Variants in SSU72 observed in about 807,000 individuals in gnomAD.
SSU72 encodes the protein RNA polymerase II subunit A C-terminal domain phosphatase SSU72.
SSU72 carries 12 observed loss-of-function variants against 22.7 expected under a neutral mutation model. The ratio of observed to expected loss-of-function variants is 0.53; its 90% CI spans 0.34 to 0.86. The LOEUF (loss-of-function observed/expected upper bound fraction) is 0.86, where lower values mean the gene tolerates loss of function less well. SSU72 is among the 40% of genes least tolerant of loss of function. The pLI, the probability that SSU72 is intolerant of heterozygous loss-of-function variation, is 0.02. For synonymous variants in SSU72, 116 were observed against 98.3 expected, an observed-to-expected ratio of 1.18 and a Z score of -1.06; for missense variants, 151 against 249.8, an observed-to-expected ratio of 0.60 and a Z score of 2.67.
chr1:1,571,724 A>T (rs1277834366), intron 1 of SSU72, among the ~76,000 whole-genome samples: 1 of 152,196 alleles, frequency 6.6e-6, no homozygotes, highest in Non-Finnish European at 1.5e-5. Flanking sequence ...TCATCGTCTC[A>T]GCGAGGTTAT....
At chr1:1,544,746 G>T in intron 3 of SSU72, 117 bp downstream of exon 3, 2 of 1,478,246 alleles carry the variant, frequency 1.4e-6, no homozygotes, top group Non-Finnish European at 9.4e-7. Context: ...ACTCAGGTCT[G>T]CTCCCCGGCC....
At chr1:1,564,563 C>T (rs772795514) in intron 2 of SSU72, 116 of 1,579,792 alleles carry the variant, frequency 7.3e-5, no homozygotes, top group Middle Eastern at 2.0e-4. Flanking sequence ...CGTGTCTGTG[C>T]GCCTCACCAC....
In SSU72 at chr1:1,554,850, C is replaced by T. The variant is rs185629340; in HGVS notation, c.225-9848G>A. ...TTCCCTGCTGCCGGCGCCAGCCCCA[C>T]GTACCCCCGACCACCTCAGCTCCTG... On this transcript the variant is annotated intron_variant, in intron 2 of 4. Transcript: ENST00000291386. The surrounding 1 kb of genome is among the most constrained non-coding windows in gnomAD (Gnocchi z 4.1). Among the ~76,000 whole-genome samples the T allele has an allele frequency of 5.5e-3, 840 of 152,302 alleles. 5 individuals are homozygous for T. The highest frequency in any genetic ancestry group is 5.7e-3 in the Non-Finnish European group (391 of 68,030).
intron 4 of SSU72, 142 bp downstream of exon 4, chr1:1,543,727 T>C (rs1397950424): frequency 1.2e-5 from 5 of 406,254 alleles, no homozygotes; most frequent in Non-Finnish European, 2.0e-5. Context: ...GCCACTCCCC[T>C]GTCACGGCCT....
intron 4 of SSU72, among the ~76,000 whole-genome samples, chr1:1,543,132 C>T (rs1272651658): frequency 1.3e-5 from 2 of 152,262 alleles, no homozygotes; most frequent in African/African-American, 4.8e-5. Context: ...CCAGCACCTC[C>T]ACGCCGCAGC....
chr1:1,574,264 G>C (rs1386129028), intron 1 of SSU72, among the ~76,000 whole-genome samples: 2 of 152,012 alleles, frequency 1.3e-5, no homozygotes, highest in Admixed American at 6.6e-5. Flanking sequence ...CCGGACAGCG[G>C]GCGCCTCGTC....
At chr1:1,574,431 C>A in intron 1 of SSU72, 47 bp downstream of exon 1, 1 of 1,548,026 alleles carries the variant, frequency 6.5e-7, no homozygotes, top group African/African-American at 1.4e-5. Context: ...GGAGGGAGGG[C>A]CGGTCGCCGG....
chr1:1,543,163 G>C lies in SSU72; in HGVS notation c.483+706C>G, dbSNP rs1642345877. Among the ~76,000 whole-genome samples, 5 of 152,228 alleles carry C rather than the reference G, an allele frequency of 3.3e-5. No individual in the cohort carries two copies. In the South Asian group the frequency reaches 1.0e-3, roughly 32 times the overall value. On this transcript the variant is annotated intron_variant, in intron 4 of 4. Coordinates refer to ENST00000291386, the MANE Select transcript of SSU72 (RefSeq NM_014188.3). ...GCAGCAGGGTGGCTACAGAAGCCTTGGGGTGCCCCGGCCCCTCTGTGCAAG... is the reference window on the plus strand; with the variant it reads ...GCAGCAGGGTGGCTACAGAAGCCTTCGGGTGCCCCGGCCCCTCTGTGCAAG...
At chr1:1,552,187 C>G (rs1427838405) in intron 2 of SSU72, among the ~76,000 whole-genome samples, 1 of 152,196 alleles carries the variant, frequency 6.6e-6, no homozygotes, top group African/African-American at 2.4e-5. Flanking sequence ...CCGCGAAGCC[C>G]TCTGCTTGCT....
At chr1:1,551,455 A>G (rs1642454581) in intron 2 of SSU72, among the ~76,000 whole-genome samples, 2 of 152,166 alleles carry the variant, frequency 1.3e-5, no homozygotes, top group South Asian at 4.1e-4. Context: ...GTTGGGCTAC[A>G]ATCAGCAAAA....
At chr1:1,547,878 G>A (rs1173846948) in intron 2 of SSU72, among the ~76,000 whole-genome samples, 7 of 152,196 alleles carry the variant, frequency 4.6e-5, no homozygotes, top group Admixed American at 2.6e-4. Flanking sequence ...CCCATCTTCC[G>A]GACACCTGCG....
In SSU72 at chr1:1,548,974, A is replaced by G. The variant is rs555293731; in HGVS notation, c.225-3972T>C. Among the ~76,000 whole-genome samples the G allele has an allele frequency of 2.0e-5, 3 of 152,322 alleles. No homozygotes were observed. In the South Asian group the frequency reaches 6.2e-4, roughly 32 times the overall value. On this transcript the variant is annotated intron_variant, in intron 2 of 4. Transcript: ENST00000291386. ...GCCTCCTGAGTCTGGGGATGGGAGA[A>G]TAAGGCTTGTGCTGGAGGCCTTGGG...
chr1:1,548,910 A>G (rs912338281), intron 2 of SSU72, among the ~76,000 whole-genome samples: 1 of 152,198 alleles, frequency 6.6e-6, no homozygotes, highest in Admixed American at 6.5e-5. Flanking sequence ...CCCGTCCCAC[A>G]GTGACGTCTG....
intron 2 of SSU72, chr1:1,545,514 G>C (rs554271790): frequency 6.5e-6 from 1 of 154,440 alleles, no homozygotes; most frequent in Non-Finnish European, 1.4e-5. Flanking sequence ...AAAACCCAAA[G>C]AAAGGAAGCT....
At chr1:1,558,387 A>C (rs1312127542) in intron 2 of SSU72, among the ~76,000 whole-genome samples, 1 of 151,938 alleles carries the variant, frequency 6.6e-6, no homozygotes, top group African/African-American at 2.4e-5. Context: ...TAATAATAAT[A>C]ATCCAAACCC....
intron 1 of SSU72, among the ~76,000 whole-genome samples, chr1:1,573,751 G>A (rs1017078365): frequency 5.3e-5 from 8 of 152,270 alleles, no homozygotes; most frequent in Non-Finnish European, 8.8e-5. Flanking sequence ...AACTTTGGAG[G>A]TAAAAAAGCC....
intron 2 of SSU72, among the ~76,000 whole-genome samples, chr1:1,559,869 C>A (rs1417948506): frequency 6.6e-6 from 1 of 152,152 alleles, no homozygotes; most frequent in Non-Finnish European, 1.5e-5. Context: ...TAGGATCAGG[C>A]ATGCACCACG....
Position 1,541,803 on chromosome 1 carries a change from T to G in SSU72, c.*263A>C, listed in dbSNP as rs1051341529. On this transcript the variant is annotated 3_prime_UTR_variant, in exon 5 of 5. Transcript: ENST00000291386. ...ACGAAGACACAGGTATGTCGGGAAG[T>G]GCACACAAACCGTTGTCTTTCCTTT... 3 of 460,706 alleles carry G rather than the reference T, an allele frequency of 6.5e-6. No homozygotes were observed. The highest frequency in any genetic ancestry group is 1.2e-5 in the Non-Finnish European group (3 of 250,708). 28.5% of individuals were successfully genotyped at this position (460,706 alleles called of 1,614,324 possible). A position where few individuals can be genotyped will look rare whatever the true frequency, so the allele number is the denominator to read the frequency against.
rs752584909 is a variant in SSU72, at chr1:1,541,979, G to A, written c.*87C>T. 6.9e-6 allele frequency: 9 copies of A among 1,295,330 alleles called. No homozygotes were observed. Among genetic ancestry groups the A allele is most frequent in the Middle Eastern group, 1.8e-4 (1 of 5,476 alleles). 80.2% of individuals were successfully genotyped at this position (1,295,330 alleles called of 1,614,324 possible). On this transcript the variant is annotated 3_prime_UTR_variant, in exon 5 of 5. Coordinates refer to ENST00000291386, the MANE Select transcript of SSU72 (RefSeq NM_014188.3). ...TTGGGTAATGCTACCGTCACCAGCA[G>A]AACACCTGTAAGTAAAAACAAATGT...
Sources: allele counts gnomAD v4.1 joint callset (sites outside exome capture counted in the v4.1 genomes callset), GRCh38; gene constraint gnomAD v4.1.1; non-coding constraint Gnocchi (gnomAD v3.1); transcripts MANE v1.5; gene names NCBI Gene and HGNC (gene_info 2026-07-23, HGNC 2026-07-21).